Variants in ACOX3 observed in about 807,000 individuals in gnomAD.
ACOX3 encodes the protein peroxisomal acyl-coenzyme A oxidase 3.
In ACOX3, 73 loss-of-function variants were observed where a neutral mutation model predicts 81.5. That is an observed-to-expected ratio of 0.90 (90% CI 0.74 to 1.09). ACOX3 has a LOEUF of 1.09. ACOX3 is among the 50% of genes least tolerant of loss of function. The probability of loss-of-function intolerance (pLI) is 0.00; values close to 1 mark genes in which losing one functional copy is unlikely to be tolerated. For missense variants in ACOX3, 947 were observed against 928.0 expected, an observed-to-expected ratio of 1.02 and a Z score of -0.27; for synonymous variants, 387 against 375.1, an observed-to-expected ratio of 1.03 and a Z score of -0.37.
intron 15 of ACOX3, 145 bp downstream of exon 15, chr4:8,374,833 G>T (rs774369791): frequency 2.3e-6 from 2 of 870,394 alleles, no homozygotes; most frequent in Non-Finnish European, 3.3e-6. Flanking sequence ...TTATGGAACT[G>T]GGCTTCTCAT....
In ACOX3 at chr4:8,389,410, C is replaced by A; in HGVS notation, c.1424-124G>T. The A allele has an allele frequency of 8.0e-7, 1 of 1,251,294 alleles. No individual in the cohort carries two copies. Among genetic ancestry groups the A allele is most frequent in the Non-Finnish European group, 1.1e-6 (1 of 899,830 alleles). 77.5% of individuals were successfully genotyped at this position (1,251,294 alleles called of 1,614,324 possible). A position where few individuals can be genotyped will look rare whatever the true frequency, so the allele number is the denominator to read the frequency against. On this transcript the variant is annotated intron_variant, in intron 12 of 17. Transcript: ENST00000356406. The surrounding 1 kb of genome is among the most constrained non-coding windows in gnomAD (Gnocchi z 5.3). ...GACCCGACGGCCACAGACCCACAGG[C>A]GAGGGTCTGGGTCTCAAGGACCCTC...
intron 1 of ACOX3, among the ~76,000 whole-genome samples, chr4:8,417,326 G>A (rs778057179): frequency 5.3e-5 from 8 of 152,230 alleles, no homozygotes; most frequent in African/African-American, 1.7e-4. Flanking sequence ...AACAGCCTGC[G>A]GTGCTGGAGC....
rs559114137 is a variant in ACOX3 at position 8,394,516 on chromosome 4, G to T, written c.1179+104C>A. 8 of 1,486,708 alleles carry T rather than the reference G, an allele frequency of 5.4e-6. No individual in the cohort carries two copies. In the East Asian group the frequency reaches 1.7e-4, roughly 31 times the overall value. The allele number at this position is 1,486,708 out of a possible 1,614,324, so 92.1% of individuals were successfully genotyped here. ...ACAACTGGAGGAATGCTCTGTCCTC[G>T]CAAATCAAAGGACTGATTTTGCTTT... On this transcript the variant is annotated intron_variant, in intron 10 of 17. Coordinates refer to ENST00000356406, the MANE Select transcript of ACOX3 (RefSeq NM_003501.3). The surrounding 1 kb of genome is among the most constrained non-coding windows in gnomAD (Gnocchi z 5.9).
intron 9 of ACOX3, among the ~76,000 whole-genome samples, chr4:8,396,106 C>T (rs1414908237): frequency 1.3e-5 from 2 of 152,238 alleles, no homozygotes; most frequent in African/African-American, 4.8e-5. Context: ...GCTGCCTGGG[C>T]TGCATCTGTG....
In ACOX3 at chr4:8,405,613, G is replaced by T. The variant is rs558276407; in HGVS notation, c.776+342C>A. ...GATGTGTGCAGAGGCCGAGCCGGGG[G>T]AGGCTCAGGATGCTGAGGAGGACCT... On this transcript the variant is annotated intron_variant, in intron 7 of 17. Coordinates refer to ENST00000356406, the MANE Select transcript of ACOX3 (RefSeq NM_003501.3). The surrounding 1 kb of genome is among the most constrained non-coding windows in gnomAD (Gnocchi z 7.1). Among the ~76,000 whole-genome samples the T allele has an allele frequency of 6.6e-6, 1 of 152,350 alleles. No homozygotes were observed. Among genetic ancestry groups the T allele is most frequent in the East Asian group, 1.9e-4 (1 of 5,186 alleles).
At position 8,366,602 on chromosome 4, in the gene ACOX3, G is replaced by A. The variant is rs994523185; in HGVS notation, c.*359C>T. 5.7e-6 allele frequency: 1 copy of A among 176,926 alleles called. No homozygotes were observed. 11.0% of individuals were successfully genotyped at this position (176,926 alleles called of 1,614,324 possible). On this transcript the variant is annotated 3_prime_UTR_variant, in exon 18 of 18. Transcript: ENST00000356406. ...CGGTAAAAAATCTAGATGAATCACA[G>A]GTTGTCTGACCAGAAGATCCCTGAC...
At chr4:8,415,727 A>G in intron 3 of ACOX3, 39 bp downstream of exon 3, 1 of 1,586,694 alleles carries the variant, frequency 6.3e-7, no homozygotes, top group Non-Finnish European at 8.6e-7. Context: ...TCAGCGCAGC[A>G]TGAAAGCCGT....
At chr4:8,357,035 G>A in the ACOX3 span, 16 of 450,566 alleles carry the variant, frequency 3.6e-5, no homozygotes, top group African/African-American at 2.5e-4. Context: ...ACGTGATCCC[G>A]GCAGGTGAGA....
chr4:8,390,149 G>A (rs1391279135), intron 11 of ACOX3, among the ~76,000 whole-genome samples: 15 of 148,784 alleles, frequency 1.0e-4, no homozygotes, highest in South Asian at 8.5e-4. Flanking sequence ...ACCAGCCTGG[G>A]CAACATAGTG....
At position 8,374,997 on chromosome 4, in the gene ACOX3, G is replaced by A. The variant is rs906746098; in HGVS notation, c.1809C>T (p.His603=). 1.4e-5 allele frequency: 22 copies of A among 1,532,652 alleles called. No homozygotes were observed. Among genetic ancestry groups the A allele is most frequent in the East Asian group, 4.8e-5 (2 of 41,380 alleles). The allele number at this position is 1,532,652 out of a possible 1,614,324, so 94.9% of individuals were successfully genotyped here. Residue 603 remains histidine (H), a synonymous_variant, in exon 15 of 18, where the codon CAC becomes CAT. Coordinates refer to ENST00000356406, the MANE Select transcript of ACOX3 (RefSeq NM_003501.3). ...CCTCACCTCGGTAGAGCAGGGCCGC[G>A]TGGCGGCTCAGGGACCACAGGGCGT... ...ALYALWSLSR[H]AALLYRGGYF... is the part of the protein sequence containing the mutation.
At chr4:8,410,063 T>C (rs1721553930) in intron 6 of ACOX3, 149 bp downstream of exon 6, 1 of 1,023,462 alleles carries the variant, frequency 9.8e-7, no homozygotes, top group Non-Finnish European at 1.4e-6. Flanking sequence ...GGCTATGGGA[T>C]GCACTGGGGT....
rs1722681330 is a variant in ACOX3 at position 8,419,357 on chromosome 4, C to T, written c.-14-2822G>A. Among the ~76,000 whole-genome samples the T allele has an allele frequency of 6.6e-6, 1 of 151,776 alleles. No homozygotes were observed. ...AGGCTGAGGCAGAGAATTACTTAAA[C>T]CCGGGAGGCAGAGATTGCAGTAGCC... On this transcript the variant is annotated intron_variant, in intron 1 of 17. Coordinates refer to ENST00000356406, the MANE Select transcript of ACOX3 (RefSeq NM_003501.3). This position sits in a 1 kb window ranked among gnomAD's most constrained non-coding sequence, Gnocchi z 4.2.
intron 5 of ACOX3, among the ~76,000 whole-genome samples, chr4:8,411,639 T>G (rs1022596389): frequency 6.6e-6 from 1 of 152,234 alleles, no homozygotes; most frequent in African/African-American, 2.4e-5. Flanking sequence ...CCTCGGGGCC[T>G]GCACTGCTCC....
Position 8,399,451 on chromosome 4 carries a change from C to T in ACOX3, c.873+105G>A, listed in dbSNP as rs557298935. ...GTATGCCCCAGCGACACCTGGCCTA[C>T]GTGGAGGGGTCTCCTTTCCAGGTGC... On this transcript the variant is annotated intron_variant, in intron 8 of 17. Transcript: ENST00000356406. This position sits in a 1 kb window ranked among gnomAD's most constrained non-coding sequence, Gnocchi z 4.9. 127 of 992,232 alleles carry T rather than the reference C, an allele frequency of 1.3e-4. No homozygotes were observed. The highest frequency in any genetic ancestry group is 3.4e-5 in the Non-Finnish European group (22 of 651,296). 61.5% of individuals were successfully genotyped at this position (992,232 alleles called of 1,614,324 possible).
In ACOX3 at chr4:8,437,407, A is replaced by T. The variant is rs1256380717; in HGVS notation, c.-15+3241T>A. On this transcript the variant is annotated intron_variant, in intron 1 of 17. Transcript: ENST00000356406. This position sits in a 1 kb window ranked among gnomAD's most constrained non-coding sequence, Gnocchi z 5.2. ...GCCAAGAGAAGAGCAAAACAAAAAG[A>T]AAGACTCACAGTAAGTGTAAAAAAG... 6.6e-6 allele frequency among the ~76,000 whole-genome samples: 1 copy of T among 152,190 alleles called. No individual in the cohort carries two copies. Among genetic ancestry groups the T allele is most frequent in the African/African-American group, 2.4e-5 (1 of 41,460 alleles).
chr4:8,418,458 CAA>C (rs765799961), intron 1 of ACOX3, among the ~76,000 whole-genome samples: 17 of 49,708 alleles, frequency 3.4e-4, no homozygotes, highest in Non-Finnish European at 4.2e-4. Flanking sequence ...GACTCCATCT[CAA>C]AAAAAAAAAA....
Position 8,382,909 on chromosome 4 carries a change from G to A in ACOX3, c.1538-1302C>T, listed in dbSNP as rs1037759062. Among the ~76,000 whole-genome samples the A allele has an allele frequency of 2.6e-4, 39 of 150,292 alleles. No homozygotes were observed. Among genetic ancestry groups the A allele is most frequent in the Non-Finnish European group, 4.3e-4 (29 of 67,638 alleles). On this transcript the variant is annotated intron_variant, in intron 13 of 17. Transcript: ENST00000356406. This position sits in a 1 kb window ranked among gnomAD's most constrained non-coding sequence, Gnocchi z 4.1. ...CGGGAGGCTGAGGCAGGAGAATGGC[G>A]TGAACCCGGGAGGCGGAGTTGCAGT...
At chr4:8,359,275 G>A in the ACOX3 span, among the ~76,000 whole-genome samples, 1 of 152,146 alleles carries the variant, frequency 6.6e-6, no homozygotes, top group East Asian at 1.9e-4. This position sits in a 1 kb window ranked among gnomAD's most constrained non-coding sequence, Gnocchi z 6.0. Flanking sequence ...AATAAGTGGT[G>A]GGGTACCTGG....
At position 8,400,616 on chromosome 4, in the gene ACOX3, A is replaced by AC. The variant is rs1200553355; in HGVS notation, c.777-965dup. On this transcript the variant is annotated intron_variant, in intron 7 of 17. Coordinates refer to ENST00000356406, the MANE Select transcript of ACOX3 (RefSeq NM_003501.3). This position sits in a 1 kb window ranked among gnomAD's most constrained non-coding sequence, Gnocchi z 4.4. ...GGTTGTCTGGTCAGGAAAACCTATT[A>AC]CACAACAGTCTAGGGAATAAGGCTA... 1.3e-5 allele frequency among the ~76,000 whole-genome samples: 2 copies of AC among 152,206 alleles called. No homozygotes were observed. Among genetic ancestry groups the AC allele is most frequent in the African/African-American group, 4.8e-5 (2 of 41,442 alleles).
Sources: allele counts gnomAD v4.1 joint callset (sites outside exome capture counted in the v4.1 genomes callset), GRCh38; gene constraint gnomAD v4.1.1; non-coding constraint Gnocchi (gnomAD v3.1); transcripts MANE v1.5; gene names NCBI Gene and HGNC (gene_info 2026-07-23, HGNC 2026-07-21).